The following BCL9 variants were observed in gnomAD, a reference collection of about 807,000 sequenced individuals.
BCL9 encodes the protein BCL9 transcription coactivator, also known as B-cell CLL/lymphoma 9 protein.
Under a neutral mutation model 88.5 loss-of-function variants are expected in BCL9, and 25 were observed. The ratio of observed to expected loss-of-function variants is 0.28; its 90% CI spans 0.21 to 0.39. The LOEUF (loss-of-function observed/expected upper bound fraction) is 0.39, where lower values mean the gene tolerates loss of function less well. Ranked by LOEUF, BCL9 falls within the 10% of genes least tolerant of loss-of-function variation. The pLI is 1.00. For synonymous variants in BCL9, 711 were observed against 673.3 expected (o/e 1.06, Z -0.87); for missense variants, 1,817 against 1,877.8 (o/e 0.97, Z 0.60).
Position 147,620,019 on chromosome 1 carries a change from C to A in BCL9, c.1864C>A (p.Pro622Thr), listed in dbSNP as rs782283646. 3.2e-5 allele frequency: 51 copies of A among 1,614,064 alleles called. No individual in the cohort carries two copies. In the South Asian group the frequency reaches 5.5e-4, roughly 17 times the overall value. Reference sequence around the variant, plus strand: ...CGGTCCTGGCCGAGGGGAACGCTTCCCAAACCCCCAAGGATTGTCTGAAGA... The same window carrying A: ...CGGTCCTGGCCGAGGGGAACGCTTCACAAACCCCCAAGGATTGTCTGAAGA... Reference protein sequence around the residue: ...FSGPGRGERFPNPQGLSEEMF... With the variant: ...FSGPGRGERFTNPQGLSEEMF... Residue 622 changes from proline (P) to threonine (T), a missense_variant, in exon 8 of 10, where the codon CCA becomes ACA. Physicochemically the swap from Pro to Thr is conservative, Grantham distance 38. Coordinates refer to ENST00000234739, the MANE Select transcript of BCL9 (RefSeq NM_004326.4).
At chr1:147,600,577 T>C (rs1178459821) in intron 1 of BCL9, among the ~76,000 whole-genome samples, 1 of 151,662 alleles carries the variant, frequency 6.6e-6, no homozygotes, top group African/African-American at 2.4e-5. Flanking sequence ...AGAGGGCATC[T>C]CTTCTTTTTT....
intron 1 of BCL9, among the ~76,000 whole-genome samples, chr1:147,562,057 G>T (rs1655399607): frequency 6.6e-6 from 1 of 152,174 alleles, no homozygotes; most frequent in African/African-American, 2.4e-5. Flanking sequence ...GGCCGGGCGT[G>T]GTGGCTCACG....
At chr1:147,565,299 C>G (rs1404059179) in intron 1 of BCL9, among the ~76,000 whole-genome samples, 3 of 152,172 alleles carry the variant, frequency 2.0e-5, no homozygotes, top group Admixed American at 6.5e-5. Context: ...GCCCATGCAA[C>G]TCTTCAATGG....
intron 1 of BCL9, among the ~76,000 whole-genome samples, chr1:147,559,859 G>A (rs1655294646): frequency 6.6e-6 from 1 of 152,160 alleles, no homozygotes; most frequent in African/African-American, 2.4e-5. Context: ...TCTTTTCTGG[G>A]CTGTCTGAGC....
intron 1 of BCL9, among the ~76,000 whole-genome samples, chr1:147,566,542 G>C (rs1375507859): frequency 6.6e-6 from 1 of 151,802 alleles, no homozygotes; most frequent in Non-Finnish European, 1.5e-5. Context: ...GGATCACGAG[G>C]TCCGGAGATC....
At position 147,625,662 on chromosome 1, in the gene BCL9, G is replaced by A; in HGVS notation, c.*703G>A. On this transcript the variant is annotated 3_prime_UTR_variant, in exon 10 of 10. Coordinates refer to ENST00000234739, the MANE Select transcript of BCL9 (RefSeq NM_004326.4). Reference sequence around the variant, plus strand: ...TGTTTTTCAGTTCAAGTGCTCTTCAGCACTGTCTTGTCTCCCAATATACCA... The same window carrying A: ...TGTTTTTCAGTTCAAGTGCTCTTCAACACTGTCTTGTCTCCCAATATACCA... 4.3e-6 allele frequency: 1 copy of A among 232,330 alleles called. No individual in the cohort carries two copies. The highest frequency in any genetic ancestry group is 8.5e-6 in the Non-Finnish European group (1 of 117,234). The allele number at this position is 232,330 out of a possible 1,614,324, so 14.4% of individuals were successfully genotyped here. A position where few individuals can be genotyped will look rare whatever the true frequency, so the allele number is the denominator to read the frequency against.
chr1:147,582,899 G>A (rs587682998), intron 1 of BCL9, among the ~76,000 whole-genome samples: 1 of 152,264 alleles, frequency 6.6e-6, no homozygotes, highest in South Asian at 2.1e-4. Context: ...GCATATGAGA[G>A]TGTTCATTTG....
chr1:147,623,842 G>T lies in BCL9; in HGVS notation c.3164G>T (p.Gly1055Val), dbSNP rs1338764139. ...PNLPSMNNMP[G>V]MGINTQNPRI... The stretch of plus-strand genomic sequence containing the variant: ...TCCTTTGATATCTTTATTTTTCTAG[G>T]AATGGGCATTAATACACAGAATCCT... Residue 1055 changes from glycine to valine, a missense_variant and splice_region_variant, in exon 10 of 10, where the codon GGA becomes GTA. Physicochemically the swap from Gly to Val is moderately radical, Grantham distance 109 (BLOSUM62 -3). Around this residue, in one of 2 missense-constraint regions of BCL9, gnomAD observed 589 missense variants for 686.2 expected, o/e 0.86. Coordinates refer to ENST00000234739, the MANE Select transcript of BCL9 (RefSeq NM_004326.4). The T allele has an allele frequency of 6.3e-6, 10 of 1,598,952 alleles. No individual in the cohort carries two copies. Among genetic ancestry groups the T allele is most frequent in the Non-Finnish European group, 8.5e-6 (10 of 1,169,678 alleles).
chr1:147,611,253 T>G (rs1170933956), intron 3 of BCL9, among the ~76,000 whole-genome samples: 1 of 152,086 alleles, frequency 6.6e-6, no homozygotes, highest in East Asian at 1.9e-4. Flanking sequence ...TTTTTGAGGG[T>G]TTTGTATTCA....
At position 147,622,506 on chromosome 1, in the gene BCL9, C is replaced by T; in HGVS notation, c.3138C>T (p.Asn1046=). ...ACTCCCCTCCAGCTCGTTCTCCCAA[C>T]TTGCCATCAATGAATAATATGCCAG... ...DDDSPPARSP[N]LPSMNNMPGM... is the part of the protein sequence containing the mutation. Residue 1046 remains asparagine (N), a synonymous_variant, in exon 9 of 10, where the codon AAC becomes AAT. Coordinates refer to ENST00000234739, the MANE Select transcript of BCL9 (RefSeq NM_004326.4). 1 of 1,614,202 alleles carries T rather than the reference C, an allele frequency of 6.2e-7. No individual in the cohort carries two copies. The highest frequency in any genetic ancestry group is 8.5e-7 in the Non-Finnish European group (1 of 1,180,040).
At position 147,573,470 on chromosome 1, in the gene BCL9, G is replaced by T. The variant is rs184788694; in HGVS notation, c.-477-31307G>T. ...CTCTGTCTCAAAAAAAAAGAATAAG[G>T]TTGAAAGGCTCACCCTTGAAGATGT... On this transcript the variant is annotated intron_variant, in intron 1 of 9. Transcript: ENST00000234739. Among the ~76,000 whole-genome samples the T allele has an allele frequency of 1.1e-4, 16 of 152,112 alleles. No individual in the cohort carries two copies. The East Asian group carries it at 3.1e-3, about 29-fold the overall frequency.
At chr1:147,594,712 C>T (rs2101578150) in intron 1 of BCL9, among the ~76,000 whole-genome samples, 1 of 152,266 alleles carries the variant, frequency 6.6e-6, no homozygotes. Flanking sequence ...TGTATCATCA[C>T]ATCTTGGAAT....
intron 1 of BCL9, among the ~76,000 whole-genome samples, chr1:147,586,705 C>G (rs1349145558): frequency 1.3e-5 from 2 of 152,168 alleles, no homozygotes; most frequent in Non-Finnish European, 2.9e-5. Context: ...AGCCCGTAGT[C>G]TTCAGCCCCT....
At chr1:147,605,186 G>A (rs1186007840) in intron 2 of BCL9, among the ~76,000 whole-genome samples, 5 of 152,170 alleles carry the variant, frequency 3.3e-5, no homozygotes, top group East Asian at 1.9e-4. Context: ...TCATACCATC[G>A]TTGTGTGTGA....
At chr1:147,584,122 A>G (rs587772895) in intron 1 of BCL9, among the ~76,000 whole-genome samples, 1 of 150,140 alleles carries the variant, frequency 6.7e-6, no homozygotes, top group Non-Finnish European at 1.5e-5. Flanking sequence ...ATCTCAGCTC[A>G]CTGCAACCTC....
At chr1:147,573,260 G>C (rs1366791177) in intron 1 of BCL9, among the ~76,000 whole-genome samples, 1 of 152,148 alleles carries the variant, frequency 6.6e-6, no homozygotes, top group South Asian at 2.1e-4. Flanking sequence ...AGACCAGCCC[G>C]ACTAACATGG....
intron 1 of BCL9, among the ~76,000 whole-genome samples, chr1:147,599,578 G>C (rs1256999873): frequency 6.6e-6 from 1 of 151,970 alleles, no homozygotes; most frequent in East Asian, 1.9e-4. Context: ...GACGGGAAGA[G>C]GAGACCCTCC....
At chr1:147,563,087 G>T (rs986806198) in intron 1 of BCL9, among the ~76,000 whole-genome samples, 53 of 152,228 alleles carry the variant, frequency 3.5e-4, no homozygotes, top group African/African-American at 1.2e-3. Flanking sequence ...TCTTCACATG[G>T]TTGGCCCCTT....
Position 147,614,427 on chromosome 1 carries a change from A to G in BCL9, c.371A>G (p.Glu124Gly), listed in dbSNP as rs781980201. ...GTPNDDSDIK[E>G]CNSADHIKSQ... The stretch of plus-strand genomic sequence containing the variant: ...GTGACGAGTCATTTTATTCTTTTAG[A>G]ATGTAATTCTGCTGACCACATAAAG... The change falls in exon 6 of 10, where the codon GAA (glutamate) becomes GGA (glycine). Residue 124 changes from glutamate to glycine, a missense_variant and splice_region_variant. Coordinates refer to ENST00000234739, the MANE Select transcript of BCL9 (RefSeq NM_004326.4). 2 of 1,613,486 alleles carry G rather than the reference A, an allele frequency of 1.2e-6. No homozygotes were observed. The highest frequency in any genetic ancestry group is 1.7e-6 in the Non-Finnish European group (2 of 1,179,474).
Sources: gnomAD v4.1 joint callset for allele counts (sites outside exome capture counted in the v4.1 genomes callset) on GRCh38, gnomAD v4.1.1 for gene constraint, gnomAD v4.1.1 regional missense constraint, MANE v1.5 for transcripts, NCBI Gene and HGNC (gene_info 2026-07-23, HGNC 2026-07-21) for gene names.